The following LYPLAL1 variants were observed in gnomAD, a reference collection of about 807,000 sequenced individuals.
LYPLAL1 encodes lysophospholipase-like protein 1.
A neutral mutation model predicts 19.7 loss-of-function variants in LYPLAL1; 23 were observed. That is an observed-to-expected ratio of 1.17 (90% CI 0.84 to 1.65). The LOEUF is 1.65. Among genes scored for constraint, LYPLAL1 ranks in the 40% most tolerant of loss-of-function variants. The pLI, the probability that LYPLAL1 is intolerant of heterozygous loss-of-function variation, is 0.00. For synonymous variants in LYPLAL1, 119 were observed against 96.3 expected (o/e 1.24, Z -1.38); for missense variants, 355 against 279.4 (o/e 1.27, Z -1.93).
At chr1:219,251,187 T>A in the LYPLAL1 span, among the ~76,000 whole-genome samples, 1 of 152,102 alleles carries the variant, frequency 6.6e-6, no homozygotes, top group East Asian at 1.9e-4. Flanking sequence ...TAGACCTTTG[T>A]CAGGTGCATA....
At chr1:219,348,281 G>T in the LYPLAL1 span, among the ~76,000 whole-genome samples, 4 of 152,206 alleles carry the variant, frequency 2.6e-5, no homozygotes, top group Non-Finnish European at 5.9e-5. Flanking sequence ...GAGACTGAGG[G>T]CAGGGCAGGG....
the LYPLAL1 span, among the ~76,000 whole-genome samples, chr1:219,422,802 T>C: frequency 5.9e-5 from 9 of 152,204 alleles, no homozygotes; most frequent in Non-Finnish European, 1.0e-4. Flanking sequence ...TTGATCTTGC[T>C]ACTCAGACTT....
chr1:219,200,799 G>C (rs1031213718), intron 3 of LYPLAL1, among the ~76,000 whole-genome samples: 1 of 152,208 alleles, frequency 6.6e-6, no homozygotes, highest in Non-Finnish European at 1.5e-5. Context: ...GAACAGCCAG[G>C]TGAAGAGATA....
At chr1:219,186,517 A>G (rs1656735018) in intron 2 of LYPLAL1, among the ~76,000 whole-genome samples, 2 of 125,124 alleles carry the variant, frequency 1.6e-5, no homozygotes, top group East Asian at 2.3e-4. Flanking sequence ...GTGCATATTC[A>G]TGTAGTAATA....
rs1658941706 is a variant in LYPLAL1 at position 219,210,587 on chromosome 1, A to G, written c.417A>G (p.Gln139=). The G allele has an allele frequency of 6.2e-7, 1 of 1,610,548 alleles. No individual in the cohort carries two copies. The highest frequency in any genetic ancestry group is 8.5e-7 in the Non-Finnish European group (1 of 1,177,926). ...TACATTTAGCATATAGAAATCATCA[A>G]GATGTGGCAGGAGTATTTGCTCTTT... is the stretch of plus-strand genomic sequence containing the variant. ...MAIHLAYRNH[Q]DVAGVFALSS... Residue 139 remains glutamine (Q), a synonymous_variant, in exon 4 of 5, where the codon CAA becomes CAG. Coordinates refer to ENST00000366928, the MANE Select transcript of LYPLAL1 (RefSeq NM_138794.5).
At chr1:219,353,111 C>T in the LYPLAL1 span, among the ~76,000 whole-genome samples, 2 of 152,194 alleles carry the variant, frequency 1.3e-5, no homozygotes, top group African/African-American at 2.4e-5. Context: ...GAAGTGAAAC[C>T]GAGGATGTAA....
At chr1:219,316,318 A>G in the LYPLAL1 span, among the ~76,000 whole-genome samples, 1 of 152,128 alleles carries the variant, frequency 6.6e-6, no homozygotes, top group African/African-American at 2.4e-5. Context: ...AGTGTATAAT[A>G]CTTTTAATAT....
the LYPLAL1 span, among the ~76,000 whole-genome samples, chr1:219,345,072 G>T: frequency 1.3e-5 from 2 of 152,116 alleles, no homozygotes; most frequent in South Asian, 2.1e-4. Context: ...TTCAGCACAT[G>T]ATTTGTAATG....
At chr1:219,241,733 T>C in the LYPLAL1 span, among the ~76,000 whole-genome samples, 3 of 152,298 alleles carry the variant, frequency 2.0e-5, no homozygotes, top group Admixed American at 2.0e-4. Context: ...GCTTGTGAGA[T>C]AGAAAATCCA....
At chr1:219,308,207 G>T in the LYPLAL1 span, among the ~76,000 whole-genome samples, 3 of 152,142 alleles carry the variant, frequency 2.0e-5, no homozygotes, top group Non-Finnish European at 4.4e-5. Flanking sequence ...ATGATTTAGG[G>T]TATCTAGTGG....
At chr1:219,241,099 TCTCTCTCTCTCTCTC>T in the LYPLAL1 span, among the ~76,000 whole-genome samples, 2 of 56,076 alleles carry the variant, frequency 3.6e-5, no homozygotes, top group African/African-American at 7.0e-5. Flanking sequence ...ATATATATAA[TCTCTCTCTCTCTCTC>T]TCTCTCTCTC....
intron 3 of LYPLAL1, among the ~76,000 whole-genome samples, chr1:219,193,752 A>C (rs1381825287): frequency 6.6e-6 from 1 of 151,800 alleles, no homozygotes. Context: ...TAAGCTCTTT[A>C]TTCTGCTTAA....
At chr1:219,230,947 G>A in the LYPLAL1 span, among the ~76,000 whole-genome samples, 1 of 152,090 alleles carries the variant, frequency 6.6e-6, no homozygotes, top group African/African-American at 2.4e-5. Flanking sequence ...ACCCACGTGG[G>A]CATTGTTCTG....
chr1:219,178,091 TGTCA>T (rs1165716053), intron 1 of LYPLAL1, among the ~76,000 whole-genome samples: 1 of 152,238 alleles, frequency 6.6e-6, no homozygotes, highest in Non-Finnish European at 1.5e-5. Context: ...ACCCAGTTTT[TGTCA>T]GTCCTGTTCT....
chr1:219,368,662 T>G, the LYPLAL1 span, among the ~76,000 whole-genome samples: 5 of 152,286 alleles, frequency 3.3e-5, no homozygotes, highest in South Asian at 1.0e-3. Context: ...TCATCCAAAA[T>G]AAAGCATAGA....
At chr1:219,188,389 A>G (rs1203847198) in intron 2 of LYPLAL1, among the ~76,000 whole-genome samples, 2 of 151,766 alleles carry the variant, frequency 1.3e-5, no homozygotes, top group Non-Finnish European at 2.9e-5. Flanking sequence ...GCTGAGACCT[A>G]AATGAACAGT....
At chr1:219,288,745 T>C in the LYPLAL1 span, among the ~76,000 whole-genome samples, 4 of 152,166 alleles carry the variant, frequency 2.6e-5, no homozygotes, top group Admixed American at 2.6e-4. Flanking sequence ...AGGCTGACCA[T>C]ATGTGGAGAC....
At chr1:219,316,764 A>G in the LYPLAL1 span, among the ~76,000 whole-genome samples, 1 of 152,346 alleles carries the variant, frequency 6.6e-6, no homozygotes, top group Admixed American at 6.5e-5. Flanking sequence ...AATCTTGCAG[A>G]CACTACATTA....
the LYPLAL1 span, among the ~76,000 whole-genome samples, chr1:219,303,997 T>G: frequency 2.6e-5 from 4 of 152,348 alleles, no homozygotes; most frequent in Admixed American, 2.6e-4. Flanking sequence ...TAGTTTTTAG[T>G]TGTTGCTTAA....
Sources: allele counts gnomAD v4.1 joint callset (sites outside exome capture counted in the v4.1 genomes callset), GRCh38; gene constraint gnomAD v4.1.1; transcripts MANE v1.5; gene names NCBI Gene and HGNC (gene_info 2026-07-23, HGNC 2026-07-21).